The following GLRA3 variants were observed in gnomAD, a reference collection of about 807,000 sequenced individuals.
GLRA3 encodes the protein glycine receptor subunit alpha-3.
A neutral mutation model predicts 60.4 loss-of-function variants in GLRA3; 44 were observed. The ratio of observed to expected loss-of-function variants is 0.73; its 90% CI spans 0.57 to 0.94. The LOEUF (loss-of-function observed/expected upper bound fraction) is 0.94. Among genes scored for constraint, GLRA3 ranks in the 40% least tolerant of loss-of-function variants. The pLI, the probability that GLRA3 is intolerant of heterozygous loss-of-function variation, is 0.00. For missense variants in GLRA3, 508 were observed against 564.6 expected (o/e 0.90, Z 1.02); for synonymous variants, 223 against 192.9 (o/e 1.16, Z -1.29).
At chr4:174,715,149 T>G (rs993555453) in intron 5 of GLRA3, among the ~76,000 whole-genome samples, 12 of 152,170 alleles carry the variant, frequency 7.9e-5, no homozygotes, top group Admixed American at 7.9e-4. Context: ...AAAATATATA[T>G]AGACACTTCG....
At chr4:174,659,604 T>C (rs959249954) in intron 7 of GLRA3, among the ~76,000 whole-genome samples, 1 of 151,916 alleles carries the variant, frequency 6.6e-6, no homozygotes, top group African/African-American at 2.4e-5. Flanking sequence ...TTTCATTGCA[T>C]TTATAAATAA....
intron 3 of GLRA3, among the ~76,000 whole-genome samples, chr4:174,758,057 C>T (rs73006414): frequency 0.085 from 12,906 of 152,148 alleles, 884 homozygotes; most frequent in East Asian, 0.38. Flanking sequence ...TCTCCTCATG[C>T]TGGCTCCTGT....
chr4:174,739,778 A>T (rs1462803694), intron 3 of GLRA3, among the ~76,000 whole-genome samples: 1 of 152,114 alleles, frequency 6.6e-6, no homozygotes, highest in Non-Finnish European at 1.5e-5. Context: ...TTTTACCGAA[A>T]AGGAAAGATG....
At chr4:174,801,047 A>C (rs537625129) in intron 1 of GLRA3, among the ~76,000 whole-genome samples, 1 of 152,216 alleles carries the variant, frequency 6.6e-6, no homozygotes, top group East Asian at 1.9e-4. Flanking sequence ...TGTTTAAGGT[A>C]GAGTCGGCTA....
intron 2 of GLRA3, among the ~76,000 whole-genome samples, chr4:174,775,790 C>CA (rs1561110564): frequency 1.3e-5 from 2 of 151,992 alleles, no homozygotes. Flanking sequence ...TATTTCAAGA[C>CA]AGAGAATTGA....
At position 174,673,148 on chromosome 4, in the gene GLRA3, T is replaced by C. The variant is rs776997950; in HGVS notation, c.927+3930A>G. 1.7e-4 allele frequency among the ~76,000 whole-genome samples: 26 copies of C among 152,152 alleles called. 1 individual carries two copies. The highest frequency in any genetic ancestry group is 2.9e-4 in the Non-Finnish European group (20 of 68,026). On this transcript the variant is annotated intron_variant, in intron 7 of 9. Transcript: ENST00000274093. ...TAGGTCTCTAATAGGAATTAATTGA[T>C]TGTTGAAATCATAAAATAAAGGGTA...
At chr4:174,725,258 A>G (rs1340312467) in intron 4 of GLRA3, among the ~76,000 whole-genome samples, 1 of 152,114 alleles carries the variant, frequency 6.6e-6, no homozygotes, top group Non-Finnish European at 1.5e-5. Flanking sequence ...TTTATGGTTC[A>G]CTGATTCTCT....
At position 174,707,458 on chromosome 4, in the gene GLRA3, C is replaced by T. The variant is rs189083795; in HGVS notation, c.574+8030G>A. On this transcript the variant is annotated intron_variant, in intron 5 of 9. Transcript: ENST00000274093. ...TGTGTTCTGAGTCAAGACTGTTTTG[C>T]AGCTATCTCTAATGTATGTGTCATC... 1.3e-3 allele frequency among the ~76,000 whole-genome samples: 199 copies of T among 152,124 alleles called. No homozygotes were observed. The Middle Eastern group carries it at 0.014, about 10-fold the overall frequency.
intron 5 of GLRA3, 133 bp downstream of exon 5, chr4:174,715,355 G>T: frequency 3.6e-6 from 2 of 548,686 alleles, no homozygotes; most frequent in Non-Finnish European, 3.4e-6. Flanking sequence ...TCAGTACCTG[G>T]TGAAAGGTTA....
At chr4:174,797,768 C>T (rs982042950) in intron 1 of GLRA3, among the ~76,000 whole-genome samples, 1 of 151,308 alleles carries the variant, frequency 6.6e-6, no homozygotes, top group Non-Finnish European at 1.5e-5. Context: ...CTCTTCTCTA[C>T]AAAAAAATCA....
At position 174,715,587 on chromosome 4, in the gene GLRA3, T is replaced by A; in HGVS notation, c.492-17A>T. On this transcript the variant is annotated splice_polypyrimidine_tract_variant and intron_variant, in intron 4 of 9. Transcript: ENST00000274093. Reference sequence around the variant, plus strand: ...AATGTTAATCTGAAAGTCAAAGTAATTATTTTTAAAGGAAATTTATGACAT... The same window carrying A: ...AATGTTAATCTGAAAGTCAAAGTAAATATTTTTAAAGGAAATTTATGACAT... 2 of 1,226,484 alleles carry A rather than the reference T, an allele frequency of 1.6e-6. No individual in the cohort carries two copies. The highest frequency in any genetic ancestry group is 2.4e-6 in the Non-Finnish European group (2 of 841,536). 76.0% of individuals were successfully genotyped at this position (1,226,484 alleles called of 1,614,324 possible).
At chr4:174,726,314 T>A (rs1459473863) in intron 4 of GLRA3, among the ~76,000 whole-genome samples, 1 of 152,186 alleles carries the variant, frequency 6.6e-6, no homozygotes, top group Admixed American at 6.5e-5. Flanking sequence ...TCATTATTTG[T>A]CCTTTCCTGA....
intron 3 of GLRA3, among the ~76,000 whole-genome samples, chr4:174,745,995 C>T (rs1253788019): frequency 2.0e-5 from 3 of 152,016 alleles, no homozygotes; most frequent in Non-Finnish European, 2.9e-5. Context: ...GAAAAAATAA[C>T]AGATGCTGGT....
chr4:174,740,812 C>T (rs148906854), intron 3 of GLRA3, among the ~76,000 whole-genome samples: 34 of 152,296 alleles, frequency 2.2e-4, no homozygotes, highest in East Asian at 1.9e-4. Context: ...CTTCTTCATC[C>T]TCATTGTTTT....
chr4:174,796,088 T>C (rs1326478077), intron 1 of GLRA3, among the ~76,000 whole-genome samples: 1 of 152,160 alleles, frequency 6.6e-6, no homozygotes, highest in Non-Finnish European at 1.5e-5. Flanking sequence ...CCTAAGTTGA[T>C]GGTAATAGGA....
At chr4:174,778,168 G>A (rs1738683961) in intron 2 of GLRA3, among the ~76,000 whole-genome samples, 1 of 152,104 alleles carries the variant, frequency 6.6e-6, no homozygotes, top group South Asian at 2.1e-4. Flanking sequence ...GCCAAGGCCT[G>A]TGGTCTGCGC....
At chr4:174,763,819 T>G (rs1172623015) in intron 3 of GLRA3, among the ~76,000 whole-genome samples, 1 of 152,198 alleles carries the variant, frequency 6.6e-6, no homozygotes, top group Non-Finnish European at 1.5e-5. Context: ...ATTTTTAATT[T>G]AATATTTTTA....
At chr4:174,724,219 A>G (rs1486826727) in intron 4 of GLRA3, among the ~76,000 whole-genome samples, 11 of 151,970 alleles carry the variant, frequency 7.2e-5, no homozygotes, top group Admixed American at 7.2e-4. Flanking sequence ...CTTATTAGTG[A>G]ACATATATAG....
At chr4:174,706,056 C>T (rs373767095) in intron 5 of GLRA3, among the ~76,000 whole-genome samples, 9 of 151,984 alleles carry the variant, frequency 5.9e-5, no homozygotes, top group South Asian at 2.1e-4. Context: ...GGTGAAACCC[C>T]GTCTCTACTA....
Sources: gnomAD v4.1 joint callset for allele counts (sites outside exome capture counted in the v4.1 genomes callset) on GRCh38, gnomAD v4.1.1 for gene constraint, MANE v1.5 for transcripts, NCBI Gene and HGNC (gene_info 2026-07-23, HGNC 2026-07-21) for gene names.